SLC22A11: variants seen among roughly 807,000 people sequenced by gnomAD.
SLC22A11 encodes the protein organic anion transporter 4.
Under a neutral mutation model 49.4 loss-of-function variants are expected in SLC22A11, and 42 were observed. The observed-to-expected ratio is 0.85, with a 90% confidence interval of 0.66 to 1.10. SLC22A11 has a LOEUF of 1.10. SLC22A11 is among the 50% of genes least tolerant of loss of function. SLC22A11 has a pLI of 0.00. For synonymous variants in SLC22A11, 304 were observed against 315.8 expected (o/e 0.96, Z 0.40); for missense variants, 685 against 731.6 (o/e 0.94, Z 0.74).
At chr11:64,560,880 T>C (rs900020580) in intron 2 of SLC22A11, among the ~76,000 whole-genome samples, 1 of 152,202 alleles carries the variant, frequency 6.6e-6, no homozygotes, top group Non-Finnish European at 1.5e-5. Flanking sequence ...TGGGTCTGAA[T>C]CCCAGCCTTA....
chr11:64,571,121 C>G lies in SLC22A11; in HGVS notation c.*79C>G. On this transcript the variant is annotated 3_prime_UTR_variant, in exon 10 of 10. Coordinates refer to ENST00000301891, the MANE Select transcript of SLC22A11 (RefSeq NM_018484.4). ...CTCTTCTCCAATCAGAGCGTGGAGG[C>G]GAGTTGGGCGACTTCAAGGGCCTGG... The G allele has an allele frequency of 6.7e-7, 1 of 1,496,312 alleles. No individual in the cohort carries two copies. The highest frequency in any genetic ancestry group is 9.3e-7 in the Non-Finnish European group (1 of 1,076,386). The allele number at this position is 1,496,312 out of a possible 1,614,324, so 92.7% of individuals were successfully genotyped here.
Position 64,562,295 on chromosome 11 carries a change from G to A in SLC22A11, c.681G>A (p.Arg227=), listed in dbSNP as rs758237420. The A allele has an allele frequency of 5.6e-6, 9 of 1,608,502 alleles. No homozygotes were observed. The highest frequency in any genetic ancestry group is 7.6e-6 in the Non-Finnish European group (9 of 1,176,740). The change falls in exon 4 of 10, where the codon AGG becomes AGA. Residue 227 remains arginine, a synonymous_variant. Coordinates refer to ENST00000301891, the MANE Select transcript of SLC22A11 (RefSeq NM_018484.4). This position sits in a 1 kb window ranked among gnomAD's most constrained non-coding sequence, Gnocchi z 4.4. ...TGGAGTGGACCACGACCAGCAGGAG[G>A]GCGGTCACCATGACGGTGGTGGGAT... The part of the protein sequence containing the change: ...LMVEWTTTSR[R]AVTMTVVGCA...
chr11:64,567,774 G>T lies in SLC22A11; in HGVS notation c.1234G>T (p.Ala412Ser), dbSNP rs754899600. Residue 412 changes from alanine (A) to serine (S), a missense_variant, in exon 7 of 10, where the codon GCC (alanine) becomes TCC (serine). Physicochemically the swap from Ala to Ser is moderately conservative, Grantham distance 99. Coordinates refer to ENST00000301891, the MANE Select transcript of SLC22A11 (RefSeq NM_018484.4). ...RTIQAGSQAM[A>S]GLAILANMLV... ...CATCCAGGCGGGTTCCCAGGCCATG[G>T]CCGGCCTCGCCATTCTAGCCAACAT... The T allele has an allele frequency of 1.2e-6, 2 of 1,609,798 alleles. No homozygotes were observed. Among genetic ancestry groups the T allele is most frequent in the South Asian group, 1.1e-5 (1 of 90,826 alleles).
At position 64,556,264 on chromosome 11, in the gene SLC22A11, C is replaced by T. The variant is rs368832163; in HGVS notation, c.265C>T (p.Arg89Cys). ...NQGPHQCRRFRQPQWQLLDPN... is the reference protein window; with the variant it reads ...NQGPHQCRRFCQPQWQLLDPN... Reference sequence around the variant, plus strand: ...GGGGCCCCACCAGTGCCGCCGCTTCCGCCAGCCACAGTGGCAGCTCTTGGA... The same window carrying T: ...GGGGCCCCACCAGTGCCGCCGCTTCTGCCAGCCACAGTGGCAGCTCTTGGA... The change falls in exon 1 of 10, where the codon CGC becomes TGC. Residue 89 changes from arginine (R) to cysteine (C), a missense_variant. Physicochemically the swap from Arg to Cys is radical, Grantham distance 180. Coordinates refer to ENST00000301891, the MANE Select transcript of SLC22A11 (RefSeq NM_018484.4). 145 of 1,613,838 alleles carry T rather than the reference C, an allele frequency of 9.0e-5. No individual in the cohort carries two copies. Among genetic ancestry groups the T allele is most frequent in the Admixed American group, 2.0e-4 (12 of 60,008 alleles).
chr11:64,567,887 A>G lies in SLC22A11; in HGVS notation c.1273+74A>G. On this transcript the variant is annotated intron_variant, in intron 7 of 9. Transcript: ENST00000301891. ...ACCCCACTGCTCTGAGCGTGGGGCC[A>G]CATCCCCTCCCTGGCCCCAGGAGCT... is the stretch of plus-strand genomic sequence containing the variant. 5 of 1,452,596 alleles carry G rather than the reference A, an allele frequency of 3.4e-6. No individual in the cohort carries two copies. In the South Asian group the frequency reaches 3.7e-5, roughly 11 times the overall value. The allele number at this position is 1,452,596 out of a possible 1,614,324, so 90.0% of individuals were successfully genotyped here. A position where few individuals can be genotyped will look rare whatever the true frequency, so the allele number is the denominator to read the frequency against.
intron 8 of SLC22A11, 115 bp downstream of exon 8, chr11:64,568,893 C>A: frequency 1.2e-6 from 1 of 834,352 alleles, no homozygotes; most frequent in Admixed American, 2.0e-5. Flanking sequence ...GCTCAGGGTC[C>A]CCCCCAGGAC....
intron 7 of SLC22A11, 119 bp from the exon 8 acceptor site, chr11:64,568,551 G>A: frequency 1.2e-6 from 1 of 803,412 alleles, no homozygotes; most frequent in Non-Finnish European, 2.1e-6. Context: ...AAGCCAGCAG[G>A]GCCGGGGACT....
At position 64,557,829 on chromosome 11, in the gene SLC22A11, G is replaced by A. The variant is rs190246856; in HGVS notation, c.394-1306G>A. On this transcript the variant is annotated intron_variant, in intron 1 of 9. Coordinates refer to ENST00000301891, the MANE Select transcript of SLC22A11 (RefSeq NM_018484.4). ...TTTTTTTTTTTTGAGACTGAGTCTC[G>A]CTCTGTTGCCTAGCCTGGAGTGCAA... Among the ~76,000 whole-genome samples the A allele has an allele frequency of 1.4e-3, 195 of 142,780 alleles. 2 individuals are homozygous for A. The highest frequency in any genetic ancestry group is 3.2e-4 in the Non-Finnish European group (21 of 66,420). 93.7% of individuals were successfully genotyped at this position (142,780 alleles called of 152,430 possible). A position where few individuals can be genotyped will look rare whatever the true frequency, so the allele number is the denominator to read the frequency against.
chr11:64,567,635 C>T lies in SLC22A11; in HGVS notation c.1095C>T (p.Phe365=). Reference sequence around the variant, plus strand: ...TGATCTCCTACTATGGGCTGGTCTTCGACCTGCAGAGCCTGGGCCGTGACA... The same window carrying T: ...TGATCTCCTACTATGGGCTGGTCTTTGACCTGCAGAGCCTGGGCCGTGACA... ...SLLISYYGLV[F]DLQSLGRDIF... is the part of the protein sequence containing the mutation. The change falls in exon 7 of 10, where the codon TTC becomes TTT. Residue 365 remains phenylalanine, a synonymous_variant. Transcript: ENST00000301891. 2 of 1,614,110 alleles carry T rather than the reference C, an allele frequency of 1.2e-6. No homozygotes were observed. Among genetic ancestry groups the T allele is most frequent in the Non-Finnish European group, 1.7e-6 (2 of 1,180,042 alleles).
At chr11:64,568,041 G>C (rs1204763288) in intron 7 of SLC22A11, among the ~76,000 whole-genome samples, 1 of 152,264 alleles carries the variant, frequency 6.6e-6, no homozygotes, top group Non-Finnish European at 1.5e-5. Context: ...GGTGGCGGCA[G>C]AGCCGGGAGG....
intron 1 of SLC22A11, 42 bp from the exon 2 acceptor site, chr11:64,559,093 T>C: frequency 6.4e-7 from 1 of 1,572,356 alleles, no homozygotes. Flanking sequence ...GCCCTGTGAT[T>C]TCATACCCCC....
chr11:64,556,483 G>A, intron 1 of SLC22A11, 91 bp downstream of exon 1: 1 of 1,525,780 alleles, frequency 6.6e-7, no homozygotes, highest in South Asian at 1.2e-5. Context: ...CCAGTCCTGG[G>A]AGGGACCCGC....
rs901085457 is a variant in SLC22A11, at chr11:64,571,048, G to T, written c.*6G>T. ...TGGAAAGTACCTCGCTCTAGAAATT[G>T]TGCCTGCATGGAGCCCCTTTAGTCA... On this transcript the variant is annotated 3_prime_UTR_variant, in exon 10 of 10. Coordinates refer to ENST00000301891, the MANE Select transcript of SLC22A11 (RefSeq NM_018484.4). 6 of 1,614,098 alleles carry T rather than the reference G, an allele frequency of 3.7e-6. No individual in the cohort carries two copies. The highest frequency in any genetic ancestry group is 5.1e-6 in the Non-Finnish European group (6 of 1,180,032).
rs1268904273 is a variant in SLC22A11, at chr11:64,556,172, C to T, written c.173C>T (p.Ser58Phe). The T allele has an allele frequency of 1.2e-6, 2 of 1,614,100 alleles. No homozygotes were observed. Among genetic ancestry groups the T allele is most frequent in the Admixed American group, 3.3e-5 (2 of 60,010 alleles). The change falls in exon 1 of 10, where the codon TCT becomes TTT. Residue 58 changes from serine to phenylalanine, a missense_variant. Transcript: ENST00000301891. ...TGGACACACATGCTGGACAATGGCTCTGCGGTTTCCACAAACATGACCCCC... is the reference window on the plus strand; with the variant it reads ...TGGACACACATGCTGGACAATGGCTTTGCGGTTTCCACAAACATGACCCCC... The part of the protein sequence containing the change: ...RCWTHMLDNG[S>F]AVSTNMTPKA...
chr11:64,561,602 AATTTATTTATTTATTTATTT>A (rs35789932), intron 2 of SLC22A11, among the ~76,000 whole-genome samples: 42 of 144,966 alleles, frequency 2.9e-4, no homozygotes, highest in East Asian at 1.1e-3. Context: ...ACACCTGGCT[AATTTATTTATTTATTTATTT>A]ATTTATTTAT....
Position 64,564,470 on chromosome 11 carries a change from G to T in SLC22A11, c.942+42G>T. On this transcript the variant is annotated intron_variant, in intron 5 of 9. Coordinates refer to ENST00000301891, the MANE Select transcript of SLC22A11 (RefSeq NM_018484.4). The surrounding 1 kb of genome is among the most constrained non-coding windows in gnomAD (Gnocchi z 4.2). ...TGCGAGACTTGACCTGGGACAGGAC[G>T]TGCACTGAGGGATCATCCGTGTGGC... 1.2e-6 allele frequency: 2 copies of T among 1,605,880 alleles called. No individual in the cohort carries two copies. Among genetic ancestry groups the T allele is most frequent in the Non-Finnish European group, 1.7e-6 (2 of 1,174,758 alleles).
rs761278697 is a variant in SLC22A11, at chr11:64,567,662, C to T, written c.1122C>T (p.Ile374=). ...VFDLQSLGRD[I]FLLQALFGAV... ...ACCTGCAGAGCCTGGGCCGTGACAT[C>T]TTCCTCCTCCAGGCCCTCTTCGGGG... is the stretch of plus-strand genomic sequence containing the variant. The change falls in exon 7 of 10, where the codon ATC becomes ATT. Residue 374 remains isoleucine, a synonymous_variant. Transcript: ENST00000301891. The T allele has an allele frequency of 4.3e-6, 7 of 1,614,154 alleles. 1 individual carries two copies. In the South Asian group the frequency reaches 7.7e-5, roughly 18 times the overall value.
At position 64,565,303 on chromosome 11, in the gene SLC22A11, C is replaced by T; in HGVS notation, c.1024C>T (p.Leu342Phe). 1 of 1,550,764 alleles carries T rather than the reference C, an allele frequency of 6.4e-7. No homozygotes were observed. The highest frequency in any genetic ancestry group is 1.4e-5 in the African/African-American group (1 of 73,170). ...SVLDLFCVPV[L>F]RWRSCAMLVV... ...GCTGGACCTGTTCTGCGTGCCCGTG[C>T]TCCGCTGGAGGAGCTGCGCCATGCT... The change falls in exon 6 of 10, where the codon CTC (leucine) becomes TTC (phenylalanine). Residue 342 changes from leucine (L) to phenylalanine (F), a missense_variant. Coordinates refer to ENST00000301891, the MANE Select transcript of SLC22A11 (RefSeq NM_018484.4). The surrounding 1 kb of genome is among the most constrained non-coding windows in gnomAD (Gnocchi z 4.1).
At position 64,569,704 on chromosome 11, in the gene SLC22A11, G is replaced by T; in HGVS notation, c.1435G>T (p.Gly479Cys). The T allele has an allele frequency of 1.2e-6, 2 of 1,614,082 alleles. No individual in the cohort carries two copies. The highest frequency in any genetic ancestry group is 1.7e-6 in the Non-Finnish European group (2 of 1,180,010). The change falls in exon 9 of 10, where the codon GGT becomes TGT. Residue 479 changes from glycine to cysteine, a missense_variant. Coordinates refer to ENST00000301891, the MANE Select transcript of SLC22A11 (RefSeq NM_018484.4). Reference protein sequence around the residue: ...HTVGRLGAMMGPLILMSRQAL... With the variant: ...HTVGRLGAMMCPLILMSRQAL... ...AGTGGGCCGGCTGGGGGCTATGATG[G>T]GTCCCCTGATCCTGATGAGCCGCCA... is the stretch of plus-strand genomic sequence containing the variant.
Sources: gnomAD v4.1 joint callset for allele counts (sites outside exome capture counted in the v4.1 genomes callset) on GRCh38, gnomAD v4.1.1 for gene constraint, Gnocchi (gnomAD v3.1) non-coding constraint, MANE v1.5 for transcripts, NCBI Gene and HGNC (gene_info 2026-07-23, HGNC 2026-07-21) for gene names.